Variants in HIVEP3 observed in about 807,000 individuals in gnomAD.
The protein encoded by HIVEP3 is transcription factor HIVEP3.
HIVEP3 carries 49 observed loss-of-function variants against 152.8 expected under a neutral mutation model. The ratio of observed to expected loss-of-function variants is 0.32; its 90% CI spans 0.26 to 0.41. HIVEP3 has a LOEUF of 0.41. Ranked by LOEUF, HIVEP3 falls within the 10% of genes least tolerant of loss-of-function variation. The pLI is 1.00. For missense variants in HIVEP3, 2,790 were observed against 3,103.3 expected, an observed-to-expected ratio of 0.90 and a Z score of 2.40; for synonymous variants, 1,269 against 1,289.0, an observed-to-expected ratio of 0.98 and a Z score of 0.33.
rs749997185 is a variant in HIVEP3 at position 41,581,279 on chromosome 1, G to A, written c.3519C>T (p.Ser1173=). The A allele has an allele frequency of 4.4e-6, 7 of 1,609,056 alleles. No homozygotes were observed. In the Admixed American group the frequency reaches 1.0e-4, roughly 23 times the overall value. The change falls in exon 4 of 9, where the codon TCC becomes TCT. Residue 1173 remains serine (S), a synonymous_variant. Coordinates refer to ENST00000372583, the MANE Select transcript of HIVEP3 (RefSeq NM_024503.5). The surrounding 1 kb of genome is among the most constrained non-coding windows in gnomAD (Gnocchi z 4.5). ...GAAGTGGGGGCATGGAGTATGGTGAGGACAGGAGGCTGGACATGGCCTGGG... is the reference window on the plus strand; with the variant it reads ...GAAGTGGGGGCATGGAGTATGGTGAAGACAGGAGGCTGGACATGGCCTGGG... ...FSTQAMSSLL[S]SPYSMPPLPP... is the part of the protein sequence containing the mutation.
chr1:41,745,849 G>A lies in HIVEP3; in HGVS notation c.-800-44854C>T, dbSNP rs2124214078. The stretch of plus-strand genomic sequence containing the variant: ...ATCCCCTGAGAAAGCAGATGCGGCT[G>A]TTTCACAGGCCTCCTTGCTGAGGCT... On this transcript the variant is annotated intron_variant, in intron 1 of 8. Coordinates refer to ENST00000372583, the MANE Select transcript of HIVEP3 (RefSeq NM_024503.5). Among the ~76,000 whole-genome samples, 4 of 152,346 alleles carry A rather than the reference G, an allele frequency of 2.6e-5. No homozygotes were observed. In the South Asian group the frequency reaches 8.3e-4, roughly 32 times the overall value.
chr1:41,853,201 G>A (rs530696867), intron 1 of HIVEP3, among the ~76,000 whole-genome samples: 5 of 152,340 alleles, frequency 3.3e-5, no homozygotes, highest in Admixed American at 2.6e-4. Flanking sequence ...TGACAATGTT[G>A]CTATGATGTA....
chr1:41,947,160 T>G (rs1182882357), intron 1 of HIVEP3, among the ~76,000 whole-genome samples: 4 of 152,204 alleles, frequency 2.6e-5, no homozygotes, highest in Non-Finnish European at 5.9e-5. Context: ...ACCCCATCTA[T>G]TTGGCCAGGA....
chr1:41,655,277 C>T (rs1231674056), intron 2 of HIVEP3, among the ~76,000 whole-genome samples: 1 of 151,988 alleles, frequency 6.6e-6, no homozygotes, highest in Admixed American at 6.6e-5. Context: ...CTTCTCTGAC[C>T]ATCCTACAGC....
chr1:41,611,897 A>C (rs1341535661), intron 3 of HIVEP3, among the ~76,000 whole-genome samples: 1 of 152,060 alleles, frequency 6.6e-6, no homozygotes, highest in Non-Finnish European at 1.5e-5. Context: ...AGGTCGGCTC[A>C]CCCCAGAGCA....
chr1:41,957,512 T>C (rs1264979745), intron 1 of HIVEP3, among the ~76,000 whole-genome samples: 3 of 152,232 alleles, frequency 2.0e-5, no homozygotes, highest in Admixed American at 2.0e-4. Context: ...GAGCCAATCA[T>C]GCCCTTTATG....
chr1:41,517,191 G>A (rs1477814162), intron 7 of HIVEP3, among the ~76,000 whole-genome samples: 1 of 152,218 alleles, frequency 6.6e-6, no homozygotes, highest in Non-Finnish European at 1.5e-5. Context: ...TTAGGTTCAG[G>A]CTCCCCTGGT....
In HIVEP3 at chr1:41,511,385, G is replaced by A; in HGVS notation, c.6406-119C>T. The stretch of plus-strand genomic sequence containing the variant: ...ATCACAGAGCGAGTCCAGGGTCCCG[G>A]CTGAGCTGAGCCCAGAACCAAGTTC... On this transcript the variant is annotated intron_variant, in intron 8 of 8. Coordinates refer to ENST00000372583, the MANE Select transcript of HIVEP3 (RefSeq NM_024503.5). The surrounding 1 kb of genome is among the most constrained non-coding windows in gnomAD (Gnocchi z 4.9). The A allele has an allele frequency of 1.1e-6, 1 of 930,134 alleles. No homozygotes were observed. Among genetic ancestry groups the A allele is most frequent in the Non-Finnish European group, 1.6e-6 (1 of 637,084 alleles). The allele number at this position is 930,134 out of a possible 1,614,324, so 57.6% of individuals were successfully genotyped here.
At chr1:41,679,849 C>CCA (rs1212138922) in intron 2 of HIVEP3, among the ~76,000 whole-genome samples, 1 of 152,214 alleles carries the variant, frequency 6.6e-6, no homozygotes, top group Non-Finnish European at 1.5e-5. Flanking sequence ...TACTCGCTTG[C>CCA]CACAGTCTTC....
At chr1:41,702,320 C>T (rs973159403) in intron 1 of HIVEP3, among the ~76,000 whole-genome samples, 1 of 152,144 alleles carries the variant, frequency 6.6e-6, no homozygotes, top group African/African-American at 2.4e-5. Context: ...CTAGGGTATA[C>T]AGTAGTTTCT....
At chr1:41,751,324 A>AATTTTTT (rs1647159240) in intron 1 of HIVEP3, among the ~76,000 whole-genome samples, 2 of 104,560 alleles carry the variant, frequency 1.9e-5, no homozygotes, top group African/African-American at 3.8e-5. Flanking sequence ...ACTGACACAC[A>AATTTTTT]TTTTTTTTTT....
rs367752539 is a variant in HIVEP3 at position 41,742,407 on chromosome 1, G to A, written c.-800-41412C>T. 7.2e-5 allele frequency among the ~76,000 whole-genome samples: 11 copies of A among 152,316 alleles called. No homozygotes were observed. In the East Asian group the frequency reaches 1.9e-3, roughly 27 times the overall value. ...GCTGTTGACTCAGACACACATCACAGGCAGCTAATAATTACTTTTCCATTG... is the reference window on the plus strand; with the variant it reads ...GCTGTTGACTCAGACACACATCACAAGCAGCTAATAATTACTTTTCCATTG... On this transcript the variant is annotated intron_variant, in intron 1 of 8. Coordinates refer to ENST00000372583, the MANE Select transcript of HIVEP3 (RefSeq NM_024503.5).
chr1:41,516,703 G>A (rs1407395456), intron 7 of HIVEP3, among the ~76,000 whole-genome samples: 2 of 152,186 alleles, frequency 1.3e-5, no homozygotes, highest in African/African-American at 4.8e-5. Context: ...CTGCCCCCGC[G>A]TCCAGCGGGC....
rs1645174319 is a variant in HIVEP3, at chr1:41,962,457, A to G, written n.120-43933T>C. On this transcript the variant is annotated intron_variant and non_coding_transcript_variant, in intron 1 of 3. Coordinates refer to the HIVEP3 transcript ENST00000489103. ...GAAATGTCATACCAAATTACTCGAC[A>G]ATTCATATTTGGATTTTCATGTTAA... Among the ~76,000 whole-genome samples, 5 of 152,228 alleles carry G rather than the reference A, an allele frequency of 3.3e-5. No individual in the cohort carries two copies. The South Asian group carries it at 1.0e-3, about 32-fold the overall frequency.
intron 2 of HIVEP3, among the ~76,000 whole-genome samples, chr1:41,632,820 A>G (rs1265941791): frequency 6.6e-6 from 1 of 152,182 alleles, no homozygotes; most frequent in East Asian, 1.9e-4. Flanking sequence ...AATGGCCAGA[A>G]TGTTCAAGAA....
At chr1:41,604,557 T>C (rs756168945) in intron 3 of HIVEP3, among the ~76,000 whole-genome samples, 1 of 152,212 alleles carries the variant, frequency 6.6e-6, no homozygotes, top group African/African-American at 2.4e-5. Context: ...ATAAAAGTGC[T>C]TGCTGAGGAG....
intron 2 of HIVEP3, among the ~76,000 whole-genome samples, chr1:41,677,023 G>A (rs966545466): frequency 6.7e-6 from 1 of 150,158 alleles, no homozygotes; most frequent in African/African-American, 2.5e-5. Flanking sequence ...AGCAGCAGAT[G>A]AGACTGAGAT....
At chr1:41,624,745 T>G (rs758399900) in intron 3 of HIVEP3, among the ~76,000 whole-genome samples, 3 of 152,216 alleles carry the variant, frequency 2.0e-5, no homozygotes, top group African/African-American at 7.2e-5. Context: ...TTGTCACTGA[T>G]GCAAACCAGA....
At position 41,983,406 on chromosome 1, in the gene HIVEP3, A is replaced by G. The variant is rs145419244; in HGVS notation, n.119+52401T>C. Among the ~76,000 whole-genome samples the G allele has an allele frequency of 7.7e-3, 1,166 of 152,346 alleles. 5 individuals are homozygous for G. The highest frequency in any genetic ancestry group is 0.011 in the Non-Finnish European group (781 of 68,026). On this transcript the variant is annotated intron_variant and non_coding_transcript_variant, in intron 1 of 3. Coordinates refer to the HIVEP3 transcript ENST00000489103. ...AAGGAACATACTCATAGTTCAAAAC[A>G]TGATCACACTTTTTGTTATCCTTTT... is the stretch of plus-strand genomic sequence containing the variant.
Sources: allele counts gnomAD v4.1 joint callset (sites outside exome capture counted in the v4.1 genomes callset), GRCh38; gene constraint gnomAD v4.1.1; non-coding constraint Gnocchi (gnomAD v3.1); transcripts MANE v1.5; gene names NCBI Gene and HGNC (gene_info 2026-07-23, HGNC 2026-07-21).